The following NBAS variants were observed in gnomAD, a reference collection of about 807,000 sequenced individuals.
NBAS encodes the protein NBAS subunit of NRZ tethering complex, also known as NAG/BC035112 fusion.
Under a neutral mutation model 302.5 loss-of-function variants are expected in NBAS, and 219 were observed. The ratio of observed to expected loss-of-function variants is 0.72; its 90% CI spans 0.65 to 0.81. The LOEUF (loss-of-function observed/expected upper bound fraction) is 0.81, where lower values mean the gene tolerates loss of function less well. Among genes scored for constraint, NBAS ranks in the 30% least tolerant of loss-of-function variants. The probability of loss-of-function intolerance (pLI) is 0.00; values close to 1 mark genes in which losing one functional copy is unlikely to be tolerated. For missense variants in NBAS, 2,932 were observed against 2,841.6 expected, an observed-to-expected ratio of 1.03 and a Z score of -0.72; for synonymous variants, 1,118 against 1,021.6, an observed-to-expected ratio of 1.09 and a Z score of -1.80.
At chr2:15,200,322 T>G (rs909424917) in intron 48 of NBAS, among the ~76,000 whole-genome samples, 2 of 152,232 alleles carry the variant, frequency 1.3e-5, no homozygotes, top group African/African-American at 4.8e-5. Flanking sequence ...CATCTCTTTT[T>G]AAAATCTCAT....
the NBAS span, among the ~76,000 whole-genome samples, chr2:15,110,315 T>C: frequency 6.6e-6 from 1 of 152,118 alleles, no homozygotes; most frequent in Non-Finnish European, 1.5e-5. Context: ...TAGCCTTCCC[T>C]TTCACAGACA....
chr2:15,441,877 C>A (rs569526557), intron 21 of NBAS, among the ~76,000 whole-genome samples: 1 of 151,470 alleles, frequency 6.6e-6, no homozygotes, highest in East Asian at 1.9e-4. Flanking sequence ...ATAAAACAGA[C>A]TTTAAACCAA....
At chr2:15,509,474 T>C (rs1396624850) in intron 10 of NBAS, among the ~76,000 whole-genome samples, 1 of 152,200 alleles carries the variant, frequency 6.6e-6, no homozygotes, top group Non-Finnish European at 1.5e-5. Flanking sequence ...TCTGGTGCCA[T>C]ATAAACCAGT....
At chr2:15,313,798 G>C (rs948078501) in intron 38 of NBAS, among the ~76,000 whole-genome samples, 1 of 152,152 alleles carries the variant, frequency 6.6e-6, no homozygotes, top group African/African-American at 2.4e-5. Context: ...AAGCCAGCTG[G>C]AGAATGTGCA....
intron 35 of NBAS, among the ~76,000 whole-genome samples, 169 bp from the exon 36 acceptor site, chr2:15,330,934 T>C (rs1460933404): frequency 6.6e-6 from 1 of 152,138 alleles, no homozygotes; most frequent in African/African-American, 2.4e-5. Flanking sequence ...AAGAGCACTA[T>C]CAACATATTG....
chr2:15,539,274 T>C lies in NBAS; in HGVS notation c.462A>G (p.Gly154=), dbSNP rs748588803. The change falls in exon 7 of 52, where the codon GGA becomes GGG. Residue 154 remains glycine, a synonymous_variant. Coordinates refer to ENST00000281513, the MANE Select transcript of NBAS (RefSeq NM_015909.4). ...CTLLAYAEST[G]TVRVFDLMGS... is the part of the protein sequence containing the mutation. Reference sequence around the variant, plus strand: ...CCATGAGATCAAACACCCTCACAGTTCCTGTGCTTTCGGCATAGGCCAGTA... The same window carrying C: ...CCATGAGATCAAACACCCTCACAGTCCCTGTGCTTTCGGCATAGGCCAGTA... 1.2e-6 allele frequency: 2 copies of C among 1,614,220 alleles called. 1 individual carries two copies. The highest frequency in any genetic ancestry group is 2.2e-5 in the South Asian group (2 of 91,084).
the NBAS span, among the ~76,000 whole-genome samples, chr2:14,929,866 T>C: frequency 6.6e-5 from 10 of 152,200 alleles, no homozygotes; most frequent in Non-Finnish European, 1.3e-4. Flanking sequence ...GAATTGTAGT[T>C]GCAGGAGGAA....
chr2:15,276,818 G>T, intron 43 of NBAS, 33 bp downstream of exon 43: 3 of 1,613,632 alleles, frequency 1.9e-6, no homozygotes, highest in Non-Finnish European at 1.7e-6. Flanking sequence ...TAATTGAAAA[G>T]AATGAATTCA....
At chr2:15,462,507 A>G (rs892621317) in intron 19 of NBAS, among the ~76,000 whole-genome samples, 1 of 152,186 alleles carries the variant, frequency 6.6e-6, no homozygotes, top group Non-Finnish European at 1.5e-5. Flanking sequence ...CCAGATTCCT[A>G]GCACACTGCC....
chr2:15,022,029 T>C, the NBAS span, among the ~76,000 whole-genome samples: 5 of 152,062 alleles, frequency 3.3e-5, no homozygotes, highest in African/African-American at 1.2e-4. Flanking sequence ...AAACGTCACT[T>C]GATGGAGTGA....
intron 14 of NBAS, 140 bp downstream of exon 14, chr2:15,475,547 A>T: frequency 1.1e-6 from 1 of 870,944 alleles, no homozygotes; most frequent in South Asian, 1.9e-5. Flanking sequence ...TGGATTTTTT[A>T]TACTACAACC....
At chr2:15,242,241 T>A (rs1331917632) in intron 44 of NBAS, among the ~76,000 whole-genome samples, 1 of 152,226 alleles carries the variant, frequency 6.6e-6, no homozygotes, top group East Asian at 1.9e-4. Flanking sequence ...TTTGACTTCA[T>A]CACTACAGTG....
chr2:15,286,240 G>A (rs1272128667), intron 42 of NBAS, among the ~76,000 whole-genome samples: 2 of 152,122 alleles, frequency 1.3e-5, no homozygotes, highest in East Asian at 3.8e-4. Flanking sequence ...CATGCCGTCT[G>A]TTACCATAAA....
At chr2:15,351,882 A>G (rs1673375481) in intron 35 of NBAS, 110 bp downstream of exon 35, 1 of 382,826 alleles carries the variant, frequency 2.6e-6, no homozygotes, top group South Asian at 3.1e-5. Flanking sequence ...ACACACACAC[A>G]CACACACACA....
At chr2:14,887,142 G>A in the NBAS span, among the ~76,000 whole-genome samples, 4 of 152,224 alleles carry the variant, frequency 2.6e-5, no homozygotes, top group South Asian at 2.1e-4. Flanking sequence ...GCTGGCTCAC[G>A]CCTGTAATCC....
chr2:14,955,156 C>T, the NBAS span, among the ~76,000 whole-genome samples: 1 of 152,218 alleles, frequency 6.6e-6, no homozygotes, highest in Non-Finnish European at 1.5e-5. Context: ...GGGCCACATG[C>T]CCCATGGAAA....
At chr2:15,088,404 G>C in the NBAS span, among the ~76,000 whole-genome samples, 1 of 152,042 alleles carries the variant, frequency 6.6e-6, no homozygotes, top group Non-Finnish European at 1.5e-5. Flanking sequence ...ATTTCTTTCT[G>C]TTTCTCTGCA....
intron 37 of NBAS, 101 bp downstream of exon 37, chr2:15,328,098 C>G: frequency 8.6e-6 from 11 of 1,276,762 alleles, no homozygotes; most frequent in Non-Finnish European, 1.2e-5. Flanking sequence ...GAGTAAGAAC[C>G]AAGACAAATA....
At chr2:15,340,977 A>G (rs1421150794) in intron 35 of NBAS, among the ~76,000 whole-genome samples, 1 of 152,148 alleles carries the variant, frequency 6.6e-6, no homozygotes, top group Non-Finnish European at 1.5e-5. Context: ...ATGAGAGAAA[A>G]CAAAAAGATG....
Sources: gnomAD v4.1 joint callset for allele counts (sites outside exome capture counted in the v4.1 genomes callset) on GRCh38, gnomAD v4.1.1 for gene constraint, MANE v1.5 for transcripts, NCBI Gene and HGNC (gene_info 2026-07-23, HGNC 2026-07-21) for gene names.